Variants in PLXNA4 observed in about 807,000 individuals in gnomAD.
PLXNA4 encodes the protein plexin-A4.
Under a neutral mutation model 191.8 loss-of-function variants are expected in PLXNA4, and 44 were observed. That is an observed-to-expected ratio of 0.23 (90% confidence interval 0.18 to 0.29). PLXNA4 has a LOEUF of 0.29. Ranked by LOEUF, PLXNA4 falls within the 10% of genes least tolerant of loss-of-function variation. The pLI, the probability that PLXNA4 is intolerant of heterozygous loss-of-function variation, is 1.00. For missense variants in PLXNA4, 1,800 were observed against 2,488.8 expected, an observed-to-expected ratio of 0.72 and a Z score of 5.89; for synonymous variants, 1,082 against 1,009.5, an observed-to-expected ratio of 1.07 and a Z score of -1.36.
At chr7:132,238,814 A>G (rs946822526) in intron 5 of PLXNA4, among the ~76,000 whole-genome samples, 20 of 146,374 alleles carry the variant, frequency 1.4e-4, no homozygotes, top group South Asian at 4.4e-4. Context: ...GAGTCACAAG[A>G]GGGGGGGGGG....
chr7:132,168,015 G>A (rs188959606), intron 22 of PLXNA4, among the ~76,000 whole-genome samples: 1 of 152,328 alleles, frequency 6.6e-6, no homozygotes. Context: ...GATTGCAGTA[G>A]ACAGGGTCAA....
rs1366462148 is a variant in PLXNA4, at chr7:132,523,611, G to A, written c.-86-14832C>T. On this transcript the variant is annotated intron_variant, in intron 1 of 31. Coordinates refer to ENST00000321063, the MANE Select transcript of PLXNA4 (RefSeq NM_020911.2). ...ATGAAAAACTTCTAAGCAAGGGAAT[G>A]ACATGGTCAGGGTCTATGGCTAGCA... is the stretch of plus-strand genomic sequence containing the variant. 3.3e-5 allele frequency among the ~76,000 whole-genome samples: 5 copies of A among 152,216 alleles called. No individual in the cohort carries two copies. The East Asian group carries it at 9.6e-4, about 29-fold the overall frequency.
chr7:132,541,990 T>C (rs1257664701), intron 1 of PLXNA4, among the ~76,000 whole-genome samples: 1 of 152,096 alleles, frequency 6.6e-6, no homozygotes, highest in Non-Finnish European at 1.5e-5. Context: ...ATTATAACAG[T>C]TCCAGGAAAA....
upstream of PLXNA4, chr7:132,576,981 C>G (rs1563184596): frequency 1.4e-5 from 2 of 145,980 alleles, no homozygotes; most frequent in African/African-American, 4.9e-5. The surrounding 1 kb of genome is among the most constrained non-coding windows in gnomAD (Gnocchi z 5.8). Flanking sequence ...GGCCGCCCCC[C>G]GGCAGCCCGC....
intron 9 of PLXNA4, among the ~76,000 whole-genome samples, chr7:132,223,140 C>G (rs1002891205): frequency 1.3e-5 from 2 of 152,200 alleles, no homozygotes; most frequent in Non-Finnish European, 2.9e-5. Context: ...TCTCACTTCT[C>G]CTCTGTGAAC....
rs1804129041 is a variant in PLXNA4, at chr7:132,365,364, T to TGCGCGTGCGTGCGCGC, written c.1372-67143_1372-67142insGCGCGCACGCACGCGC. Among the ~76,000 whole-genome samples the TGCGCGTGCGTGCGCGC allele has an allele frequency of 1.2e-4, 18 of 147,318 alleles. No homozygotes were observed. The South Asian group carries it at 3.1e-3, about 25-fold the overall frequency. On this transcript the variant is annotated intron_variant, in intron 3 of 31. Transcript: ENST00000321063. ...GTGTGTGTGTGTGTGTGTGTGTGCGTGCGCGCGCATGCATGGGGCAAGAGT... is the reference window on the plus strand; with the variant it reads ...GTGTGTGTGTGTGTGTGTGTGTGCGTGCGCGTGCGTGCGCGCGCGCGCGCATGCATGGGGCAAGAGT...
At chr7:132,337,078 G>T (rs1382036913) in intron 3 of PLXNA4, among the ~76,000 whole-genome samples, 1 of 152,230 alleles carries the variant, frequency 6.6e-6, no homozygotes, top group African/African-American at 2.4e-5. Flanking sequence ...TTTCACCGCG[G>T]TGTAATGTGC....
chr7:132,286,117 G>C (rs1196621423), intron 4 of PLXNA4, among the ~76,000 whole-genome samples: 2 of 152,176 alleles, frequency 1.3e-5, no homozygotes. Context: ...AATTCCCACA[G>C]CAGGACCACA....
At chr7:132,178,864 AC>A (rs1796580780) in intron 20 of PLXNA4, among the ~76,000 whole-genome samples, 1 of 139,928 alleles carries the variant, frequency 7.1e-6, no homozygotes, top group African/African-American at 2.8e-5. Flanking sequence ...ACACACACAC[AC>A]ACACACACAG....
intron 3 of PLXNA4, among the ~76,000 whole-genome samples, chr7:132,470,492 A>G (rs1471008827): frequency 6.6e-6 from 1 of 152,210 alleles, no homozygotes; most frequent in East Asian, 1.9e-4. Flanking sequence ...CTCCACTTGT[A>G]TAGGTAGAAT....
chr7:132,632,899 G>C (rs1413931382), intron 2 of PLXNA4, among the ~76,000 whole-genome samples: 1 of 152,158 alleles, frequency 6.6e-6, no homozygotes, highest in East Asian at 1.9e-4. Context: ...TTTGGAGCCA[G>C]AGATTAGCTC....
intron 3 of PLXNA4, among the ~76,000 whole-genome samples, chr7:132,474,590 G>A (rs757801126): frequency 1.3e-5 from 2 of 151,374 alleles, no homozygotes; most frequent in Non-Finnish European, 2.9e-5. Flanking sequence ...TGGGGTCTCC[G>A]AAGTTCTCCC....
intron 4 of PLXNA4, among the ~76,000 whole-genome samples, chr7:132,250,609 T>C (rs922464624): frequency 6.6e-6 from 1 of 152,144 alleles, no homozygotes; most frequent in Non-Finnish European, 1.5e-5. Flanking sequence ...GGGGTTGCAA[T>C]GTGTGAGATT....
intron 3 of PLXNA4, among the ~76,000 whole-genome samples, chr7:132,373,249 T>C (rs1563063276): frequency 6.6e-6 from 1 of 152,120 alleles, no homozygotes; most frequent in Non-Finnish European, 1.5e-5. Context: ...TAAGTTCACC[T>C]TTAGCCCCAG....
At chr7:132,379,181 A>G (rs1452842918) in intron 3 of PLXNA4, among the ~76,000 whole-genome samples, 1 of 152,110 alleles carries the variant, frequency 6.6e-6, no homozygotes, top group Non-Finnish European at 1.5e-5. Flanking sequence ...ATGCCATAAC[A>G]TTTCATACAA....
At chr7:132,345,629 T>C (rs1803216115) in intron 3 of PLXNA4, among the ~76,000 whole-genome samples, 1 of 152,204 alleles carries the variant, frequency 6.6e-6, no homozygotes, top group African/African-American at 2.4e-5. Context: ...TTCTGGGCTG[T>C]GCCAGCCAAC....
chr7:132,540,891 C>T (rs1025337696), intron 1 of PLXNA4, among the ~76,000 whole-genome samples: 2 of 151,582 alleles, frequency 1.3e-5, no homozygotes, highest in African/African-American at 4.9e-5. Context: ...CCGGCCTGGA[C>T]CGTTCTTAAA....
chr7:132,488,669 G>A (rs905234079), intron 3 of PLXNA4, among the ~76,000 whole-genome samples: 11 of 152,170 alleles, frequency 7.2e-5, no homozygotes, highest in Non-Finnish European at 1.3e-4. Context: ...CACAGCTGAT[G>A]AGCCAAGATC....
chr7:132,603,194 G>A (rs1276709949), intron 2 of PLXNA4, among the ~76,000 whole-genome samples: 2 of 152,016 alleles, frequency 1.3e-5, no homozygotes, highest in Non-Finnish European at 2.9e-5. Flanking sequence ...GAGATTGGTT[G>A]TTTAAATGTC....
Sources: allele counts gnomAD v4.1 joint callset (sites outside exome capture counted in the v4.1 genomes callset), GRCh38; gene constraint gnomAD v4.1.1; non-coding constraint Gnocchi (gnomAD v3.1); transcripts MANE v1.5; gene names NCBI Gene and HGNC (gene_info 2026-07-23, HGNC 2026-07-21).